NRG1: variants seen among roughly 807,000 people sequenced by gnomAD.
The protein encoded by NRG1 is pro-neuregulin-1, membrane-bound isoform.
A neutral mutation model predicts 63.8 loss-of-function variants in NRG1; 18 were observed. The observed-to-expected ratio is 0.28, with a 90% CI of 0.19 to 0.42. NRG1 has a LOEUF of 0.42. NRG1 is among the 10% of genes least tolerant of loss of function. NRG1 has a pLI of 1.00. For missense variants in NRG1, 762 were observed against 814.7 expected, an observed-to-expected ratio of 0.94 and a Z score of 0.79; for synonymous variants, 302 against 301.3, an observed-to-expected ratio of 1.00 and a Z score of -0.02.
intron 1 of NRG1, among the ~76,000 whole-genome samples, chr8:31,992,683 C>G (rs1811292507): frequency 6.6e-6 from 1 of 151,934 alleles, no homozygotes; most frequent in Non-Finnish European, 1.5e-5. Flanking sequence ...ACTGTTGCCA[C>G]AAAATCACCT....
At chr8:31,791,514 G>A (rs1437390691) in intron 1 of NRG1, among the ~76,000 whole-genome samples, 1 of 152,054 alleles carries the variant, frequency 6.6e-6, no homozygotes, top group Non-Finnish European at 1.5e-5. Flanking sequence ...TGCCTTTCTT[G>A]TATCTCTGTC....
intron 1 of NRG1, among the ~76,000 whole-genome samples, chr8:31,866,042 G>C (rs1585361027): frequency 6.6e-6 from 1 of 152,144 alleles, no homozygotes; most frequent in East Asian, 1.9e-4. Context: ...TCTTGTCTCA[G>C]CCCTTCTTTT....
chr8:32,243,701 G>T (rs1848345178), intron 1 of NRG1, among the ~76,000 whole-genome samples: 1 of 152,048 alleles, frequency 6.6e-6, no homozygotes, highest in African/African-American at 2.4e-5. Context: ...TTCATATCTT[G>T]AAGGCCTAAT....
chr8:31,753,530 C>T (rs921269872), intron 1 of NRG1, among the ~76,000 whole-genome samples: 2 of 151,970 alleles, frequency 1.3e-5, no homozygotes, highest in Non-Finnish European at 2.9e-5. Flanking sequence ...AAACAGTAGT[C>T]AATTAAGGAG....
intron 1 of NRG1, among the ~76,000 whole-genome samples, chr8:32,396,801 T>A (rs1269268829): frequency 6.6e-6 from 1 of 152,210 alleles, no homozygotes; most frequent in Non-Finnish European, 1.5e-5. Context: ...TATTAATTTA[T>A]ATTTCAAGTT....
intron 5 of NRG1, among the ~76,000 whole-genome samples, chr8:32,719,626 T>A (rs79571153): frequency 6.6e-6 from 1 of 152,144 alleles, no homozygotes; most frequent in Admixed American, 6.6e-5. Flanking sequence ...TGAATCAGGA[T>A]CTGAATAAAA....
intron 1 of NRG1, among the ~76,000 whole-genome samples, chr8:32,493,318 G>C (rs1397900418): frequency 6.6e-6 from 1 of 152,140 alleles, no homozygotes; most frequent in Non-Finnish European, 1.5e-5. Context: ...GATTAGAGCT[G>C]CTTAACAGAC....
chr8:31,833,324 A>C (rs985749619), intron 1 of NRG1, among the ~76,000 whole-genome samples: 2 of 152,204 alleles, frequency 1.3e-5, no homozygotes, highest in Admixed American at 6.5e-5. Context: ...CATTTGCCAA[A>C]TGTCCTATCC....
intron 1 of NRG1, among the ~76,000 whole-genome samples, chr8:32,083,922 A>G (rs1300151581): frequency 6.6e-6 from 1 of 152,168 alleles, no homozygotes; most frequent in Admixed American, 6.5e-5. Context: ...GACTGACAAA[A>G]TTTTTGAAAG....
intron 1 of NRG1, among the ~76,000 whole-genome samples, chr8:32,320,057 G>A (rs908554354): frequency 6.6e-6 from 1 of 152,148 alleles, no homozygotes; most frequent in South Asian, 2.1e-4. Context: ...TGCTACTTAA[G>A]AGCTGTACGA....
chr8:31,849,469 TA>T (rs1827008914), intron 1 of NRG1, among the ~76,000 whole-genome samples: 1 of 152,240 alleles, frequency 6.6e-6, no homozygotes, highest in African/African-American at 2.4e-5. Flanking sequence ...GTTTGCCTGT[TA>T]TAAACCTGTG....
intron 1 of NRG1, among the ~76,000 whole-genome samples, chr8:32,258,603 A>T (rs1850010271): frequency 6.6e-6 from 1 of 152,208 alleles, no homozygotes. Flanking sequence ...GGCATATCTT[A>T]CATGGTGGCA....
intron 1 of NRG1, among the ~76,000 whole-genome samples, chr8:32,416,484 A>C (rs1034736620): frequency 1.3e-5 from 2 of 151,964 alleles, no homozygotes; most frequent in African/African-American, 4.8e-5. Context: ...AATAGAATGG[A>C]TATCTAAAGC....
chr8:32,392,677 T>C (rs1426551818), intron 1 of NRG1, among the ~76,000 whole-genome samples: 1 of 152,226 alleles, frequency 6.6e-6, no homozygotes, highest in Non-Finnish European at 1.5e-5. Context: ...TAGGATCTAC[T>C]TGATAATACA....
At chr8:32,455,193 G>T (rs142769673) in intron 1 of NRG1, among the ~76,000 whole-genome samples, 1 of 152,184 alleles carries the variant, frequency 6.6e-6, no homozygotes, top group East Asian at 1.9e-4. Flanking sequence ...TCCGGACTTA[G>T]CCTACCCATA....
chr8:32,573,062 C>A (rs996133849), intron 1 of NRG1, among the ~76,000 whole-genome samples: 5 of 152,156 alleles, frequency 3.3e-5, no homozygotes, highest in African/African-American at 1.2e-4. Context: ...AGCTTCTTCT[C>A]CTTATCTGAA....
rs1156741191 is a variant in NRG1 at position 31,640,776 on chromosome 8, C to T, written c.37+1345C>T. ...GCGCGAACCCGCGGCGAGGAGGGCGCATCCCGGGCGCGCGGGCAGCGGGGC... is the reference window on the plus strand; with the variant it reads ...GCGCGAACCCGCGGCGAGGAGGGCGTATCCCGGGCGCGCGGGCAGCGGGGC... On this transcript the variant is annotated intron_variant, in intron 1 of 10. Transcript: ENST00000519301. This position sits in a 1 kb window ranked among gnomAD's most constrained non-coding sequence, Gnocchi z 6.3. 13 of 1,450,978 alleles carry T rather than the reference C, an allele frequency of 9.0e-6. No homozygotes were observed. Among genetic ancestry groups the T allele is most frequent in the Middle Eastern group, 2.5e-4 (1 of 3,964 alleles). 89.9% of individuals were successfully genotyped at this position (1,450,978 alleles called of 1,614,324 possible).
At chr8:31,914,782 T>C (rs947049132) in intron 1 of NRG1, among the ~76,000 whole-genome samples, 5 of 152,126 alleles carry the variant, frequency 3.3e-5, no homozygotes, top group Non-Finnish European at 4.4e-5. Flanking sequence ...GTTACCTTTT[T>C]AGTGAAGGAC....
At chr8:32,756,596 T>C in intron 9 of NRG1, 67 bp downstream of exon 9, 2 of 1,517,628 alleles carry the variant, frequency 1.3e-6, no homozygotes, top group Non-Finnish European at 1.8e-6. Context: ...TTGAAGTTTA[T>C]TTTCGAAAGC....
Sources: allele counts gnomAD v4.1 joint callset (sites outside exome capture counted in the v4.1 genomes callset), GRCh38; gene constraint gnomAD v4.1.1; non-coding constraint Gnocchi (gnomAD v3.1); transcripts MANE v1.5; gene names NCBI Gene and HGNC (gene_info 2026-07-23, HGNC 2026-07-21).